Variants in RBFOX1 observed in about 807,000 individuals in gnomAD.
The protein encoded by RBFOX1 is RNA binding protein fox-1 homolog 1.
RBFOX1 carries 8 observed loss-of-function variants against 57.7 expected under a neutral mutation model. The ratio of observed to expected loss-of-function variants is 0.14; its 90% CI spans 0.08 to 0.25. RBFOX1 has a LOEUF of 0.25. Among genes scored for constraint, RBFOX1 ranks in the 10% least tolerant of loss-of-function variants. The pLI is 1.00. For synonymous variants in RBFOX1, 326 were observed against 222.4 expected (o/e 1.47, Z -4.15); for missense variants, 611 against 548.5 (o/e 1.11, Z -1.14).
chr16:6,667,166 G>GT (rs1401810436), intron 3 of RBFOX1, among the ~76,000 whole-genome samples: 1 of 152,166 alleles, frequency 6.6e-6, no homozygotes, highest in East Asian at 1.9e-4. Flanking sequence ...AATGAATGTG[G>GT]TGTTGAGTTA....
intron 3 of RBFOX1, among the ~76,000 whole-genome samples, chr16:6,923,705 C>G (rs746801343): frequency 6.6e-6 from 1 of 152,062 alleles, no homozygotes; most frequent in Admixed American, 6.6e-5. Context: ...ATTTTCTAGC[C>G]TTTAAAGCAG....
At chr16:7,223,424 C>G (rs1207918032) in intron 4 of RBFOX1, among the ~76,000 whole-genome samples, 3 of 152,160 alleles carry the variant, frequency 2.0e-5, no homozygotes, top group South Asian at 4.1e-4. Context: ...TAAACCAAAT[C>G]AAAATGTATA....
rs142404673 is a variant in RBFOX1, at chr16:6,116,913, G to A, written c.-127+96921G>A. On this transcript the variant is annotated intron_variant, in intron 1 of 15. Coordinates refer to ENST00000550418, the MANE Select transcript of RBFOX1 (RefSeq NM_018723.4). ...GATAAGATGAAATTGGGAGACAGAG[G>A]GAGAGAGATGCTGGAGGCTCTACAG... 6.4e-3 allele frequency among the ~76,000 whole-genome samples: 973 copies of A among 152,204 alleles called. 13 individuals carry two copies. The highest frequency in any genetic ancestry group is 0.022 in the African/African-American group (934 of 41,522).
intron 3 of RBFOX1, among the ~76,000 whole-genome samples, chr16:6,866,504 TAA>T (rs1244195999): frequency 1.4e-5 from 2 of 145,246 alleles, no homozygotes; most frequent in East Asian, 2.0e-4. Flanking sequence ...GGACTTTTTT[TAA>T]AAAAAAAAAT....
chr16:7,084,946 T>G (rs147316557), intron 4 of RBFOX1, among the ~76,000 whole-genome samples: 67 of 152,274 alleles, frequency 4.4e-4, no homozygotes, highest in African/African-American at 1.6e-3. Flanking sequence ...ATGCATCTAT[T>G]CATCTATCTA....
At chr16:6,866,351 A>C (rs1210258660) in intron 3 of RBFOX1, among the ~76,000 whole-genome samples, 8 of 152,068 alleles carry the variant, frequency 5.3e-5, no homozygotes, top group Non-Finnish European at 7.3e-5. Context: ...CTTACAGTGT[A>C]ATAATGGAAC....
intron 1 of RBFOX1, among the ~76,000 whole-genome samples, chr16:6,086,120 A>G (rs1001274599): frequency 6.6e-6 from 1 of 152,178 alleles, no homozygotes; most frequent in African/African-American, 2.4e-5. Flanking sequence ...GGTGGCTCCC[A>G]GCTTCATCCA....
In RBFOX1 at chr16:7,474,518, A is replaced by G. The variant is rs1377739873; in HGVS notation, c.28-43629A>G. On this transcript the variant is annotated intron_variant, in intron 4 of 15. Coordinates refer to ENST00000550418, the MANE Select transcript of RBFOX1 (RefSeq NM_018723.4). ...CCAGTGACCTGGTGAACAGCCAACTATTTAGGTTGGTGCAAAAGCAATTAC... is the reference window on the plus strand; with the variant it reads ...CCAGTGACCTGGTGAACAGCCAACTGTTTAGGTTGGTGCAAAAGCAATTAC... Among the ~76,000 whole-genome samples, 6 of 152,232 alleles carry G rather than the reference A, an allele frequency of 3.9e-5. 1 individual carries two copies. Among genetic ancestry groups the G allele is most frequent in the African/African-American group, 1.2e-4 (5 of 41,468 alleles).
intron 4 of RBFOX1, among the ~76,000 whole-genome samples, chr16:7,239,831 C>T (rs893393300): frequency 1.3e-5 from 2 of 152,138 alleles, no homozygotes; most frequent in Non-Finnish European, 1.5e-5. Flanking sequence ...CATTTATATT[C>T]ATTTTTCTAC....
chr16:6,198,866 A>G (rs779704085), intron 1 of RBFOX1, among the ~76,000 whole-genome samples: 1 of 152,174 alleles, frequency 6.6e-6, no homozygotes. Context: ...GAGCTCTAGA[A>G]AAAGGAAACT....
At chr16:5,475,992 A>G (rs1398259780) in intron 2 of RBFOX1, among the ~76,000 whole-genome samples, 1 of 152,056 alleles carries the variant, frequency 6.6e-6, no homozygotes, top group Admixed American at 6.6e-5. Flanking sequence ...ACTGCTGCCA[A>G]GTGTACGTGG....
chr16:7,498,300 T>G (rs1218873518), intron 4 of RBFOX1, among the ~76,000 whole-genome samples: 1 of 152,166 alleles, frequency 6.6e-6, no homozygotes, highest in African/African-American at 2.4e-5. Context: ...TTAAATAGTC[T>G]AAGTTCAATC....
chr16:6,078,597 C>T (rs115991556), intron 1 of RBFOX1, among the ~76,000 whole-genome samples: 363 of 152,326 alleles, frequency 2.4e-3, no homozygotes, highest in African/African-American at 8.4e-3. Flanking sequence ...CCTCTCTGAT[C>T]ATTGGCTTCT....
In RBFOX1 at chr16:5,597,517, A is replaced by T. The variant is rs528873941; in HGVS notation, c.259-1385A>T. 4.9e-3 allele frequency among the ~76,000 whole-genome samples: 728 copies of T among 148,060 alleles called. 4 individuals are homozygous for T. The highest frequency in any genetic ancestry group is 0.011 in the Middle Eastern group (3 of 284). Reference sequence around the variant, plus strand: ...CAGGTTCAAGCGATTCTCCTCCCTTAGCCTCCCAAGTAGCTGAGATTACAG... The same window carrying T: ...CAGGTTCAAGCGATTCTCCTCCCTTTGCCTCCCAAGTAGCTGAGATTACAG... On this transcript the variant is annotated intron_variant, in intron 2 of 2. Coordinates refer to the RBFOX1 transcript ENST00000585867.
intron 3 of RBFOX1, among the ~76,000 whole-genome samples, chr16:6,794,063 C>G (rs1011268663): frequency 6.6e-6 from 1 of 152,082 alleles, no homozygotes; most frequent in Non-Finnish European, 1.5e-5. Flanking sequence ...AGTCAACATA[C>G]TGCCCAATAA....
chr16:6,829,684 C>T (rs543105787), intron 3 of RBFOX1, among the ~76,000 whole-genome samples: 5 of 152,106 alleles, frequency 3.3e-5, no homozygotes, highest in African/African-American at 9.7e-5. Flanking sequence ...TCACTACAAC[C>T]TCCGTCTCCT....
chr16:5,928,112 G>C (rs1056703601), intron 4 of RBFOX1, among the ~76,000 whole-genome samples: 32 of 151,512 alleles, frequency 2.1e-4, no homozygotes, highest in African/African-American at 7.3e-4. Flanking sequence ...TTTATTTTTT[G>C]AGACAGGGTA....
intron 3 of RBFOX1, among the ~76,000 whole-genome samples, chr16:5,816,884 A>G (rs2055660666): frequency 6.6e-6 from 1 of 152,182 alleles, no homozygotes; most frequent in African/African-American, 2.4e-5. Flanking sequence ...GTGTGTACAT[A>G]GTAGGTGTAC....
Position 6,870,362 on chromosome 16 carries a change from T to G in RBFOX1, c.-15-181695T>G, listed in dbSNP as rs575775263. ...GAAATCTGATATTCCAAGATGCTCC[T>G]ATTGGATTTTCACATATCTCATTTG... On this transcript the variant is annotated intron_variant, in intron 3 of 15. Coordinates refer to ENST00000550418, the MANE Select transcript of RBFOX1 (RefSeq NM_018723.4). Among the ~76,000 whole-genome samples the G allele has an allele frequency of 7.9e-5, 12 of 152,336 alleles. No homozygotes were observed. The South Asian group carries it at 2.5e-3, about 32-fold the overall frequency.
Sources: allele counts gnomAD v4.1 joint callset (sites outside exome capture counted in the v4.1 genomes callset), GRCh38; gene constraint gnomAD v4.1.1; transcripts MANE v1.5; gene names NCBI Gene and HGNC (gene_info 2026-07-23, HGNC 2026-07-21).